DDX31: variants seen among roughly 807,000 people sequenced by gnomAD.
The protein encoded by DDX31 is DEAD-box helicase 31.
In DDX31, 70 loss-of-function variants were observed where a neutral mutation model predicts 91.3. The observed-to-expected ratio is 0.77, with a 90% CI of 0.63 to 0.94. The LOEUF (loss-of-function observed/expected upper bound fraction) is 0.94. DDX31 is among the 40% of genes least tolerant of loss of function. The pLI is 0.00. For synonymous variants in DDX31, 362 were observed against 350.6 expected (o/e 1.03, Z -0.36); for missense variants, 902 against 925.0 (o/e 0.98, Z 0.32).
intron 11 of DDX31, 65 bp downstream of exon 11, chr9:132,648,124 G>A (rs779041286): frequency 2.6e-4 from 353 of 1,376,554 alleles, no homozygotes; most frequent in Non-Finnish European, 3.4e-4. Context: ...AACAACCCAG[G>A]TTAAATCTAG....
intron 19 of DDX31, among the ~76,000 whole-genome samples, chr9:132,604,315 G>A (rs1830886601): frequency 6.6e-6 from 1 of 152,134 alleles, no homozygotes; most frequent in South Asian, 2.1e-4. Context: ...CTTGCTCCAG[G>A]CTGGACAAGA....
intron 16 of DDX31, among the ~76,000 whole-genome samples, chr9:132,629,290 C>A (rs945405488): frequency 2.6e-5 from 4 of 152,174 alleles, no homozygotes; most frequent in Non-Finnish European, 5.9e-5. Flanking sequence ...ATTATTTTGG[C>A]CCCCTGACAT....
At chr9:132,642,410 T>C (rs1833559668) in intron 13 of DDX31, among the ~76,000 whole-genome samples, 1 of 152,194 alleles carries the variant, frequency 6.6e-6, no homozygotes, top group South Asian at 2.1e-4. Context: ...ATTCTAAACA[T>C]TCTCCTACAA....
chr9:132,635,755 G>GACCA (rs903284213), intron 14 of DDX31, among the ~76,000 whole-genome samples: 10 of 151,896 alleles, frequency 6.6e-5, no homozygotes, highest in Admixed American at 5.2e-4. Flanking sequence ...AGACCAGCTT[G>GACCA]ACCAACATGG....
intron 19 of DDX31, among the ~76,000 whole-genome samples, chr9:132,598,602 G>A (rs1342572964): frequency 6.6e-6 from 1 of 152,206 alleles, no homozygotes; most frequent in Non-Finnish European, 1.5e-5. Flanking sequence ...ATGACCACTG[G>A]AGAAGAGAGA....
intron 6 of DDX31, among the ~76,000 whole-genome samples, chr9:132,657,117 A>C (rs76518888): frequency 0.014 from 2,116 of 152,350 alleles, 17 homozygotes; most frequent in Middle Eastern, 0.024. Flanking sequence ...TTTTCAAGTA[A>C]CAAAGCAAGA....
chr9:132,614,534 C>T (rs1291426389), intron 18 of DDX31, among the ~76,000 whole-genome samples: 4 of 152,096 alleles, frequency 2.6e-5, no homozygotes, highest in South Asian at 2.1e-4. Flanking sequence ...CAAGTCAAGC[C>T]GAAACCATGC....
intron 19 of DDX31, among the ~76,000 whole-genome samples, chr9:132,607,872 C>T (rs1230307059): frequency 6.6e-6 from 1 of 152,128 alleles, no homozygotes; most frequent in Non-Finnish European, 1.5e-5. Flanking sequence ...ATTATTGAGC[C>T]ATTTTCCACA....
intron 13 of DDX31, 128 bp downstream of exon 13, chr9:132,645,767 T>A (rs1350922476): frequency 3.9e-6 from 4 of 1,025,716 alleles, no homozygotes; most frequent in Non-Finnish European, 5.4e-6. Context: ...ATTCTTGACT[T>A]GCCCAGTGGA....
chr9:132,600,356 G>A (rs1564272922), intron 19 of DDX31, among the ~76,000 whole-genome samples: 7 of 152,012 alleles, frequency 4.6e-5, no homozygotes, highest in Admixed American at 6.5e-5. Flanking sequence ...CTCCAGTTGA[G>A]TCCTGCTGTG....
At chr9:132,626,525 G>A (rs754582002) in intron 16 of DDX31, among the ~76,000 whole-genome samples, 8 of 152,212 alleles carry the variant, frequency 5.3e-5, no homozygotes, top group Non-Finnish European at 5.9e-5. Flanking sequence ...GATGAAGGAA[G>A]AAACGTGAGC....
chr9:132,606,578 C>T (rs954361260), intron 19 of DDX31, among the ~76,000 whole-genome samples: 16 of 152,164 alleles, frequency 1.1e-4, no homozygotes, highest in African/African-American at 1.7e-4. Flanking sequence ...ATTCCCGTGC[C>T]GGACACCACG....
chr9:132,646,031 C>T lies in DDX31; in HGVS notation c.1244G>A (p.Cys415Tyr). 1.2e-6 allele frequency: 2 copies of T among 1,614,086 alleles called. No homozygotes were observed. Among genetic ancestry groups the T allele is most frequent in the Non-Finnish European group, 1.7e-6 (2 of 1,179,988 alleles). ...DQKMVVFFSS[C>Y]ELVEFHYSLF... ...GCTGTAGTGGAACTCCACCAGCTCGCAACTTGAGAAAAAGACAACCATCTT... is the reference window on the plus strand; with the variant it reads ...GCTGTAGTGGAACTCCACCAGCTCGTAACTTGAGAAAAAGACAACCATCTT... The change falls in exon 13 of 20, where the codon TGC (cysteine) becomes TAC (tyrosine). Residue 415 changes from cysteine to tyrosine, a missense_variant. By Grantham distance (194) the Cys-to-Tyr change is radical. Coordinates refer to ENST00000372159, the MANE Select transcript of DDX31 (RefSeq NM_022779.9).
At chr9:132,652,348 T>C (rs1834245198) in intron 7 of DDX31, 100 bp downstream of exon 7, 3 of 1,402,072 alleles carry the variant, frequency 2.1e-6, no homozygotes, top group Non-Finnish European at 2.0e-6. Context: ...GTGCAGTGGC[T>C]TGTGCAGTAG....
At chr9:132,648,109 C>A in intron 11 of DDX31, 80 bp downstream of exon 11, 2 of 1,193,964 alleles carry the variant, frequency 1.7e-6, no homozygotes, top group Admixed American at 2.3e-5. Context: ...AGAATCACTG[C>A]AGCAAACAAC....
rs567542591 is a variant in DDX31 at position 132,653,717 on chromosome 9, A to G, written c.589-1225T>C. On this transcript the variant is annotated intron_variant, in intron 6 of 19. Coordinates refer to ENST00000372159, the MANE Select transcript of DDX31 (RefSeq NM_022779.9). ...TTTCCAGATAAGAGGATGCAATAGT[A>G]CATATAAGCTAATTCTCTCTAAATC... 4.1e-4 allele frequency among the ~76,000 whole-genome samples: 63 copies of G among 152,146 alleles called. No individual in the cohort carries two copies. The South Asian group carries it at 8.1e-3, about 20-fold the overall frequency.
rs143945095 is a variant in DDX31, at chr9:132,645,909, C to A, written c.1366G>T (p.Gly456Cys). ...TCAGTGCTCACCTCCTGCTCCATGC[C>A]GCCATGCAGCCGTAGGAATTTTAAT... The part of the protein sequence containing the change: ...MRLKFLRLHG[G>C]MEQEERTAVF... Residue 456 changes from glycine (G) to cysteine (C), a missense_variant, in exon 13 of 20, where the codon GGC becomes TGC. Physicochemically the swap from Gly to Cys is radical, Grantham distance 159. Transcript: ENST00000372159. 15 of 1,612,656 alleles carry A rather than the reference C, an allele frequency of 9.3e-6. No homozygotes were observed. Among genetic ancestry groups the A allele is most frequent in the Non-Finnish European group, 1.1e-5 (13 of 1,179,454 alleles).
chr9:132,667,967 G>C (rs1203909111), intron 1 of DDX31, among the ~76,000 whole-genome samples: 13 of 152,168 alleles, frequency 8.5e-5, no homozygotes, highest in Admixed American at 8.5e-4. Context: ...GATAGGAAAA[G>C]TGAGAATCAG....
intron 16 of DDX31, among the ~76,000 whole-genome samples, chr9:132,629,990 C>T (rs1459439573): frequency 6.6e-6 from 1 of 152,222 alleles, no homozygotes; most frequent in Non-Finnish European, 1.5e-5. Flanking sequence ...ATGGTGCACA[C>T]TTATCTTGCA....
Sources: gnomAD v4.1 joint callset for allele counts (sites outside exome capture counted in the v4.1 genomes callset) on GRCh38, gnomAD v4.1.1 for gene constraint, MANE v1.5 for transcripts, NCBI Gene and HGNC (gene_info 2026-07-23, HGNC 2026-07-21) for gene names.